The following TRHR variants were observed in gnomAD, a reference collection of about 807,000 sequenced individuals.
TRHR encodes thyrotropin-releasing hormone receptor.
Under a neutral mutation model 28.0 loss-of-function variants are expected in TRHR, and 14 were observed. The ratio of observed to expected loss-of-function variants is 0.50; its 90% CI spans 0.33 to 0.78. The LOEUF (loss-of-function observed/expected upper bound fraction) is 0.78. TRHR is among the 30% of genes least tolerant of loss of function. The pLI, the probability that TRHR is intolerant of heterozygous loss-of-function variation, is 0.02. For synonymous variants in TRHR, 176 were observed against 171.9 expected (o/e 1.02, Z -0.18); for missense variants, 438 against 469.5 (o/e 0.93, Z 0.62).
chr8:109,118,954 ATT>A, intron 2 of TRHR, 92 bp from the exon 3 acceptor site: 1 of 1,511,424 alleles, frequency 6.6e-7, no homozygotes, highest in Non-Finnish European at 9.2e-7. Context: ...CTCAGACTAC[ATT>A]TTGGGAACTA....
Position 109,086,588 on chromosome 8 carries a change from G to C in TRHR, c.-384G>C, listed in dbSNP as rs867030880. ...AATGTATGTGTGTGTGTGTGTGTGT[G>C]TCTCTGTGTGTGAGAGAGCGAGCGA... is the stretch of plus-strand genomic sequence containing the variant. On this transcript the variant is annotated 5_prime_UTR_variant, in exon 1 of 3. Coordinates refer to ENST00000518632, the MANE Select transcript of TRHR (RefSeq NM_003301.7). The C allele has an allele frequency of 1.4e-5, 2 of 142,778 alleles. No homozygotes were observed. The highest frequency in any genetic ancestry group is 5.3e-5 in the African/African-American group (2 of 37,410). 8.8% of individuals were successfully genotyped at this position (142,778 alleles called of 1,614,324 possible). A position where few individuals can be genotyped will look rare whatever the true frequency, so the allele number is the denominator to read the frequency against.
rs1191084678 is a variant in TRHR at position 109,110,944 on chromosome 8, T to C, written c.790-8104T>C. Among the ~76,000 whole-genome samples the C allele has an allele frequency of 2.6e-5, 4 of 152,098 alleles. No individual in the cohort carries two copies. The East Asian group carries it at 7.7e-4, about 29-fold the overall frequency. On this transcript the variant is annotated intron_variant, in intron 2 of 2. Transcript: ENST00000518632. ...GCCAAGGCGGGTGAATCACTTGAGATCAGGAGTTCCAGACCAGCCTGGCCA... is the reference window on the plus strand; with the variant it reads ...GCCAAGGCGGGTGAATCACTTGAGACCAGGAGTTCCAGACCAGCCTGGCCA...
intron 1 of TRHR, 37 bp from the exon 2 acceptor site, chr8:109,087,388 A>G (rs1214762083): frequency 5.9e-6 from 6 of 1,022,238 alleles, no homozygotes; most frequent in Non-Finnish European, 8.9e-6. Flanking sequence ...CAGAAATTGT[A>G]ACACTGTTAA....
At position 109,088,097 on chromosome 8, in the gene TRHR, C is replaced by T. The variant is rs1811466806; in HGVS notation, c.585C>T (p.Asp195=). The change falls in exon 2 of 3, where the codon GAC becomes GAT. Residue 195 remains aspartate, a synonymous_variant. Coordinates refer to ENST00000518632, the MANE Select transcript of TRHR (RefSeq NM_003301.7). ...ACTACTCACCTATTTACCTAATGGA[C>T]TTTGGTGTCTTTTATGTTGTGCCAA... The part of the protein sequence containing the change: ...RNYYSPIYLM[D]FGVFYVVPMI... The T allele has an allele frequency of 1.2e-6, 2 of 1,614,126 alleles. No homozygotes were observed. Among genetic ancestry groups the T allele is most frequent in the East Asian group, 2.2e-5 (1 of 44,876 alleles).
chr8:109,097,547 A>C (rs1811612930), intron 2 of TRHR, among the ~76,000 whole-genome samples: 1 of 152,194 alleles, frequency 6.6e-6, no homozygotes, highest in South Asian at 2.1e-4. Flanking sequence ...TTAAAACATA[A>C]GGTTAAGCTG....
At position 109,087,687 on chromosome 8, in the gene TRHR, C is replaced by T. The variant is rs566907571; in HGVS notation, c.175C>T (p.Pro59Ser). The T allele has an allele frequency of 6.2e-7, 1 of 1,613,902 alleles. No homozygotes were observed. Among genetic ancestry groups the T allele is most frequent in the Non-Finnish European group, 8.5e-7 (1 of 1,180,026 alleles). The stretch of plus-strand genomic sequence containing the variant: ...CATGAGAACCAAGCACATGAGGACC[C>T]CCACAAACTGCTACCTGGTGAGCCT... The part of the protein sequence containing the change: ...VVMRTKHMRT[P>S]TNCYLVSLAV... The change falls in exon 2 of 3, where the codon CCC becomes TCC. Residue 59 changes from proline to serine, a missense_variant. Transcript: ENST00000518632.
intron 2 of TRHR, among the ~76,000 whole-genome samples, chr8:109,115,471 CCT>C (rs571181454): frequency 1.6e-4 from 25 of 152,212 alleles, no homozygotes; most frequent in African/African-American, 3.9e-4. Context: ...TTGTTTGTAT[CCT>C]CTTTTATTTC....
At chr8:109,092,567 G>T (rs1224313981) in intron 2 of TRHR, among the ~76,000 whole-genome samples, 3 of 152,002 alleles carry the variant, frequency 2.0e-5, no homozygotes, top group Admixed American at 1.3e-4. Flanking sequence ...CCCCTGAGTA[G>T]CTGGGATTAC....
At chr8:109,110,919 G>A (rs1246614979) in intron 2 of TRHR, among the ~76,000 whole-genome samples, 1 of 152,148 alleles carries the variant, frequency 6.6e-6, no homozygotes, top group African/African-American at 2.4e-5. Flanking sequence ...ACTTTGGGAG[G>A]CCAAGGCGGG....
At chr8:109,106,298 G>C (rs923089217) in intron 2 of TRHR, among the ~76,000 whole-genome samples, 6 of 152,132 alleles carry the variant, frequency 3.9e-5, no homozygotes, top group African/African-American at 1.2e-4. Flanking sequence ...GAATATGACA[G>C]CTGACAGATA....
Position 109,119,985 on chromosome 8 carries a change from A to G in TRHR, c.*530A>G, listed in dbSNP as rs1443390371. 6.6e-6 allele frequency among the ~76,000 whole-genome samples: 1 copy of G among 151,956 alleles called. No individual in the cohort carries two copies. Among genetic ancestry groups the G allele is most frequent in the Non-Finnish European group, 1.5e-5 (1 of 67,904 alleles). On this transcript the variant is annotated 3_prime_UTR_variant, in exon 3 of 3. Transcript: ENST00000518632. Reference sequence around the variant, plus strand: ...ATTTATTGAGTAAAAATAAGATTTTAGACATACATGTTAACTGTATTTTAA... The same window carrying G: ...ATTTATTGAGTAAAAATAAGATTTTGGACATACATGTTAACTGTATTTTAA...
Position 109,088,517 on chromosome 8 carries a change from G to T in TRHR, c.789+216G>T, listed in dbSNP as rs113186974. ...GGAAAATTTGATAGCACATCAGCAG[G>T]CATCAGTTCAGGTGCTATTAAGATA... On this transcript the variant is annotated intron_variant, in intron 2 of 2. Coordinates refer to ENST00000518632, the MANE Select transcript of TRHR (RefSeq NM_003301.7). 4.6e-3 allele frequency among the ~76,000 whole-genome samples: 707 copies of T among 152,248 alleles called. 3 individuals carry two copies. Among genetic ancestry groups the T allele is most frequent in the South Asian group, 7.0e-3 (34 of 4,826 alleles).
chr8:109,093,328 A>G (rs548609688), intron 2 of TRHR, among the ~76,000 whole-genome samples: 3 of 151,880 alleles, frequency 2.0e-5, no homozygotes, highest in African/African-American at 7.2e-5. Context: ...ACACTCAGAT[A>G]AAGAACTGGC....
At chr8:109,090,033 A>G (rs1811497914) in intron 2 of TRHR, among the ~76,000 whole-genome samples, 1 of 152,228 alleles carries the variant, frequency 6.6e-6, no homozygotes. Flanking sequence ...CTGTCCTTAC[A>G]GAGGCTGTAT....
In TRHR at chr8:109,105,327, G is replaced by A. The variant is rs569570525; in HGVS notation, c.790-13721G>A. 1.4e-4 allele frequency among the ~76,000 whole-genome samples: 21 copies of A among 152,216 alleles called. No homozygotes were observed. The East Asian group carries it at 1.7e-3, about 13-fold the overall frequency. ...TTTTTCCCACACTTGCCAATGGTAC[G>A]AACTCTCAGAAATGAGGTGCAGAGA... On this transcript the variant is annotated intron_variant, in intron 2 of 2. Coordinates refer to ENST00000518632, the MANE Select transcript of TRHR (RefSeq NM_003301.7).
chr8:109,113,824 T>TA (rs1811875054), intron 2 of TRHR, among the ~76,000 whole-genome samples: 1 of 152,132 alleles, frequency 6.6e-6, no homozygotes, highest in Non-Finnish European at 1.5e-5. Context: ...TAGCAGTAGT[T>TA]ACAATAATAG....
chr8:109,098,406 A>T (rs1302493707), intron 2 of TRHR, among the ~76,000 whole-genome samples: 1 of 152,068 alleles, frequency 6.6e-6, no homozygotes, highest in Non-Finnish European at 1.5e-5. Flanking sequence ...TGCTAGGATT[A>T]CAGCCATCAG....
chr8:109,114,288 T>G (rs1175299590), intron 2 of TRHR, among the ~76,000 whole-genome samples: 1 of 152,078 alleles, frequency 6.6e-6, no homozygotes. Context: ...GCAAGCTCGC[T>G]CTCTAAATAC....
intron 2 of TRHR, among the ~76,000 whole-genome samples, chr8:109,116,965 GGT>G: frequency 6.6e-6 from 1 of 152,134 alleles, no homozygotes; most frequent in South Asian, 2.1e-4. Flanking sequence ...CCTTGAAACA[GGT>G]TGCTCTTCTC....
Sources: gnomAD v4.1 joint callset for allele counts (sites outside exome capture counted in the v4.1 genomes callset) on GRCh38, gnomAD v4.1.1 for gene constraint, MANE v1.5 for transcripts, NCBI Gene and HGNC (gene_info 2026-07-23, HGNC 2026-07-21) for gene names.